EPHA6: variants seen among roughly 807,000 people sequenced by gnomAD.
EPHA6 encodes ephrin type-A receptor 6.
In EPHA6, 50 loss-of-function variants were observed where a neutral mutation model predicts 112.0. That is an observed-to-expected ratio of 0.45 (90% CI 0.36 to 0.56). EPHA6 has a LOEUF of 0.56. EPHA6 is among the 20% of genes least tolerant of loss of function. EPHA6 has a pLI of 0.00. For synonymous variants in EPHA6, 529 were observed against 490.7 expected (o/e 1.08, Z -1.03); for missense variants, 1,280 against 1,417.4 (o/e 0.90, Z 1.56).
chr3:97,467,360 A>G (rs566557524), intron 7 of EPHA6, among the ~76,000 whole-genome samples: 1 of 151,842 alleles, frequency 6.6e-6, no homozygotes, highest in African/African-American at 2.4e-5. Context: ...AGTTCATACA[A>G]CTTATGAAAT....
intron 3 of EPHA6, among the ~76,000 whole-genome samples, chr3:97,209,196 G>C (rs1160594956): frequency 6.6e-6 from 1 of 152,074 alleles, no homozygotes; most frequent in East Asian, 1.9e-4. Flanking sequence ...TATATGAAAT[G>C]ATAAATAACA....
intron 11 of EPHA6, among the ~76,000 whole-genome samples, chr3:97,554,006 G>A (rs993968671): frequency 1.2e-4 from 18 of 152,078 alleles, no homozygotes; most frequent in African/African-American, 4.3e-4. Flanking sequence ...TAACTAAGAG[G>A]ATGGGAAAAA....
chr3:97,653,649 C>G (rs1336229886), intron 14 of EPHA6, among the ~76,000 whole-genome samples: 1 of 151,934 alleles, frequency 6.6e-6, no homozygotes, highest in East Asian at 1.9e-4. Context: ...AATCCCACTT[C>G]TAGGTATATA....
chr3:97,387,558 C>T (rs886240247), intron 5 of EPHA6, among the ~76,000 whole-genome samples: 2 of 152,166 alleles, frequency 1.3e-5, no homozygotes, highest in African/African-American at 2.4e-5. Context: ...TCTGAAACCA[C>T]ATCAGCCTGC....
At chr3:97,004,308 G>A (rs932419800) in intron 3 of EPHA6, among the ~76,000 whole-genome samples, 7 of 152,042 alleles carry the variant, frequency 4.6e-5, no homozygotes, top group African/African-American at 1.7e-4. Flanking sequence ...AGCAACTATT[G>A]TTTCTTGACT....
chr3:97,036,028 G>A (rs986507519), intron 3 of EPHA6, among the ~76,000 whole-genome samples: 2 of 151,994 alleles, frequency 1.3e-5, no homozygotes, highest in South Asian at 2.1e-4. Flanking sequence ...TGCCTTGTGA[G>A]GATACAAGAA....
chr3:97,539,030 T>TCTTTCTTTCTTTCTTTCTTG (rs1553805977), intron 11 of EPHA6, among the ~76,000 whole-genome samples: 5 of 145,730 alleles, frequency 3.4e-5, no homozygotes, highest in African/African-American at 1.3e-4. Context: ...TTTCTTTCTT[T>TCTTTCTTTCTTTCTTTCTTG]CTTTCTTGCT....
At chr3:97,162,392 T>C (rs1321169160) in intron 3 of EPHA6, among the ~76,000 whole-genome samples, 1 of 152,184 alleles carries the variant, frequency 6.6e-6, no homozygotes, top group Admixed American at 6.5e-5. Context: ...GTTGCAATTA[T>C]GTATTCCTGA....
chr3:97,343,083 G>A (rs1039340761), intron 5 of EPHA6, among the ~76,000 whole-genome samples: 17 of 152,124 alleles, frequency 1.1e-4, no homozygotes, highest in African/African-American at 4.1e-4. Context: ...AGCAATTCCG[G>A]TATTGGCTCA....
intron 14 of EPHA6, among the ~76,000 whole-genome samples, chr3:97,651,332 C>T (rs1455648026): frequency 1.3e-5 from 2 of 151,794 alleles, no homozygotes; most frequent in Non-Finnish European, 2.9e-5. Flanking sequence ...AATGTTAAAG[C>T]ACTTACAATG....
intron 14 of EPHA6, among the ~76,000 whole-genome samples, chr3:97,696,031 G>A (rs1034187523): frequency 2.0e-5 from 3 of 152,152 alleles, no homozygotes; most frequent in African/African-American, 2.4e-5. Context: ...AAGTTGAATC[G>A]ATGATTTTTC....
At chr3:97,535,067 C>G (rs559748927) in intron 11 of EPHA6, among the ~76,000 whole-genome samples, 3 of 151,432 alleles carry the variant, frequency 2.0e-5, no homozygotes, top group Non-Finnish European at 4.4e-5. Context: ...CACACACACA[C>G]GAAAAGGAAA....
rs371955772 is a variant in EPHA6 at position 96,936,568 on chromosome 3, CTT to C, written c.451-50761_451-50760del. 2.9e-3 allele frequency among the ~76,000 whole-genome samples: 444 copies of C among 150,904 alleles called. 4 individuals carry two copies. Among genetic ancestry groups the C allele is most frequent in the African/African-American group, 9.8e-3 (404 of 41,196 alleles). The stretch of plus-strand genomic sequence containing the variant: ...GCTCAAGGAAATGTATAATATTGCT[CTT>C]GGGTTTTTTTTTGTTGATGTTCTTT... On this transcript the variant is annotated intron_variant, in intron 2 of 17. Transcript: ENST00000389672.
At chr3:97,637,763 T>C in intron 13 of EPHA6, 110 bp from the exon 14 acceptor site, 1 of 792,440 alleles carries the variant, frequency 1.3e-6, no homozygotes, top group Non-Finnish European at 2.1e-6. Flanking sequence ...CCAAAGTTGA[T>C]GCTTATCTTC....
chr3:97,147,473 C>G (rs1386417574), intron 3 of EPHA6, among the ~76,000 whole-genome samples: 1 of 151,950 alleles, frequency 6.6e-6, no homozygotes, highest in African/African-American at 2.4e-5. Flanking sequence ...CAAAGTGGCA[C>G]TACTTACTGA....
chr3:97,736,139 T>G (rs2035241562), intron 16 of EPHA6, 21 bp downstream of exon 16: 2 of 1,581,024 alleles, frequency 1.3e-6, no homozygotes, highest in East Asian at 2.3e-5. Context: ...TAATGTTGAG[T>G]TTTTTTCTTC....
At chr3:97,710,932 T>G (rs1054420659) in intron 14 of EPHA6, among the ~76,000 whole-genome samples, 1 of 152,240 alleles carries the variant, frequency 6.6e-6, no homozygotes, top group Non-Finnish European at 1.5e-5. Flanking sequence ...ATGTAATTTA[T>G]TTTCCTAATG....
intron 3 of EPHA6, among the ~76,000 whole-genome samples, chr3:97,016,331 T>A (rs1296412972): frequency 6.6e-6 from 1 of 152,188 alleles, no homozygotes; most frequent in East Asian, 1.9e-4. Flanking sequence ...TCAAAGCTTT[T>A]TCTCTGAATT....
At chr3:97,596,777 CATATATATATATATAT>C (rs57541953) in intron 12 of EPHA6, among the ~76,000 whole-genome samples, 2 of 106,210 alleles carry the variant, frequency 1.9e-5, no homozygotes, top group African/African-American at 3.6e-5. Flanking sequence ...AACTCATATA[CATATATATATATATAT>C]ATATATATAT....
Sources: gnomAD v4.1 joint callset for allele counts (sites outside exome capture counted in the v4.1 genomes callset) on GRCh38, gnomAD v4.1.1 for gene constraint, MANE v1.5 for transcripts, NCBI Gene and HGNC (gene_info 2026-07-23, HGNC 2026-07-21) for gene names.